TRIM37: variants seen among roughly 807,000 people sequenced by gnomAD.
The protein encoded by TRIM37 is E3 ubiquitin-protein ligase TRIM37.
A neutral mutation model predicts 129.8 loss-of-function variants in TRIM37; 80 were observed. The observed-to-expected ratio is 0.62, with a 90% CI of 0.51 to 0.74. The LOEUF (loss-of-function observed/expected upper bound fraction) is 0.74, where lower values mean the gene tolerates loss of function less well. Among genes scored for constraint, TRIM37 ranks in the 30% least tolerant of loss-of-function variants. The pLI, the probability that TRIM37 is intolerant of heterozygous loss-of-function variation, is 0.00. For synonymous variants in TRIM37, 389 were observed against 387.1 expected (o/e 1.00, Z -0.06); for missense variants, 1,054 against 1,176.5 (o/e 0.90, Z 1.52).
intron 1 of TRIM37, among the ~76,000 whole-genome samples, chr17:59,105,637 G>A (rs891743736): frequency 2.0e-5 from 3 of 152,128 alleles, no homozygotes; most frequent in Non-Finnish European, 4.4e-5. Flanking sequence ...AGGAATTAAG[G>A]AGAAAATTAC....
intron 8 of TRIM37, among the ~76,000 whole-genome samples, chr17:59,073,704 A>G (rs1258152897): frequency 6.6e-6 from 1 of 152,208 alleles, no homozygotes; most frequent in Non-Finnish European, 1.5e-5. Flanking sequence ...GGCTGAGGCA[A>G]TCCTTCCACC....
At position 58,998,845 on chromosome 17, in the gene TRIM37, G is replaced by A; in HGVS notation, c.*532C>T. On this transcript the variant is annotated 3_prime_UTR_variant, in exon 24 of 24. Transcript: ENST00000262294. ...ATACATACTCCAAAAAGGAGATTCA[G>A]TCTAGTGTTACTTCAGTTATTCACA... The A allele has an allele frequency of 1.0e-6, 1 of 992,960 alleles. No individual in the cohort carries two copies. Among genetic ancestry groups the A allele is most frequent in the Non-Finnish European group, 1.2e-6 (1 of 834,242 alleles). The allele number at this position is 992,960 out of a possible 1,614,324, so 61.5% of individuals were successfully genotyped here.
intron 19 of TRIM37, among the ~76,000 whole-genome samples, chr17:59,019,777 T>C (rs1020475521): frequency 1.3e-5 from 2 of 151,324 alleles, no homozygotes; most frequent in East Asian, 1.9e-4. Context: ...CAGAAGATAG[T>C]AGAAGGGGAA....
intron 23 of TRIM37, 91 bp downstream of exon 23, chr17:59,001,507 A>G (rs1211314512): frequency 6.4e-7 from 1 of 1,561,102 alleles, no homozygotes; most frequent in African/African-American, 1.4e-5. Flanking sequence ...GTAGAGCGGA[A>G]AAAGTAGAAG....
intron 6 of TRIM37, among the ~76,000 whole-genome samples, chr17:59,080,202 T>C (rs1165860787): frequency 1.3e-5 from 2 of 152,228 alleles, no homozygotes; most frequent in Non-Finnish European, 2.9e-5. Flanking sequence ...TTTATGACTG[T>C]CATTCTAACA....
chr17:59,104,920 C>T (rs776587834), intron 1 of TRIM37, among the ~76,000 whole-genome samples: 3 of 151,680 alleles, frequency 2.0e-5, no homozygotes, highest in Non-Finnish European at 4.4e-5. Context: ...GGTTAAACCC[C>T]GTCTCTACTA....
chr17:59,090,400 T>C (rs1345157825), intron 3 of TRIM37, among the ~76,000 whole-genome samples: 1 of 152,100 alleles, frequency 6.6e-6, no homozygotes, highest in East Asian at 1.9e-4. Flanking sequence ...CATATATATA[T>C]ATAAATATAG....
At position 59,057,920 on chromosome 17, in the gene TRIM37, A is replaced by C. The variant is rs1436698997; in HGVS notation, c.1020-866T>G. Among the ~76,000 whole-genome samples the C allele has an allele frequency of 3.3e-5, 5 of 152,328 alleles. No homozygotes were observed. In the East Asian group the frequency reaches 7.7e-4, roughly 23 times the overall value. On this transcript the variant is annotated intron_variant, in intron 12 of 23. Transcript: ENST00000262294. ...TTACCGATATATCAGGTATAAAACA[A>C]CACCTCAAAAAATAAATAAATTTTG...
At chr17:59,005,521 G>A (rs1598836359) in intron 22 of TRIM37, among the ~76,000 whole-genome samples, 1 of 152,102 alleles carries the variant, frequency 6.6e-6, no homozygotes, top group Admixed American at 6.6e-5. Flanking sequence ...CTGACCTTGT[G>A]ATCTACCCGC....
rs541636274 is a variant in TRIM37 at position 59,035,093 on chromosome 17, T to C, written c.1754-3003A>G. Among the ~76,000 whole-genome samples, 25 of 152,254 alleles carry C rather than the reference T, an allele frequency of 1.6e-4. No individual in the cohort carries two copies. The East Asian group carries it at 4.7e-3, about 28-fold the overall frequency. ...TTTTTTCTTTGAGACAAAGTCTTGC[T>C]TTGTCACCCAGGCTGGAGTACAGTG... On this transcript the variant is annotated intron_variant, in intron 17 of 23. Coordinates refer to ENST00000262294, the MANE Select transcript of TRIM37 (RefSeq NM_015294.6).
chr17:59,023,845 A>C (rs952146463), intron 19 of TRIM37, among the ~76,000 whole-genome samples: 45 of 152,176 alleles, frequency 3.0e-4, no homozygotes, highest in African/African-American at 1.0e-3. Flanking sequence ...AAAATGAATA[A>C]ACAAATTATG....
At chr17:58,995,404 TAAAA>T (rs1218900988), downstream of TRIM37, among the ~76,000 whole-genome samples, 2 of 120,774 alleles carry the variant, frequency 1.7e-5, no homozygotes, top group African/African-American at 6.1e-5. Flanking sequence ...AAGAAATGCT[TAAAA>T]AAAAAAAAAA....
At chr17:58,985,201 TAAAGG>T (rs1335208855) in intron 24 of TRIM37, 2 of 152,666 alleles carry the variant, frequency 1.3e-5, no homozygotes, top group Admixed American at 6.5e-5. Context: ...TCTTTTTATT[TAAAGG>T]AAAGGTAAGT....
At chr17:59,047,012 G>A (rs565698330) in intron 16 of TRIM37, among the ~76,000 whole-genome samples, 38 of 151,782 alleles carry the variant, frequency 2.5e-4, no homozygotes, top group African/African-American at 8.9e-4. Flanking sequence ...AAATTAGCTG[G>A]GCGAGGTGGC....
chr17:59,086,664 TAA>T (rs2043781382), intron 4 of TRIM37, among the ~76,000 whole-genome samples: 2 of 152,222 alleles, frequency 1.3e-5, no homozygotes, highest in African/African-American at 4.8e-5. Context: ...GGGAAATGAA[TAA>T]GAGTTAGAAT....
intron 10 of TRIM37, chr17:59,064,148 C>G (rs1319693322): frequency 1.2e-5 from 6 of 519,930 alleles, no homozygotes; most frequent in Non-Finnish European, 2.1e-5. Flanking sequence ...GAAAAGGTTC[C>G]TTTTCCCAGA....
At chr17:59,044,610 T>G (rs1052378986) in intron 16 of TRIM37, among the ~76,000 whole-genome samples, 1 of 152,144 alleles carries the variant, frequency 6.6e-6, no homozygotes, top group African/African-American at 2.4e-5. Flanking sequence ...GCGCAGACAT[T>G]TTCCCCTTGT....
intron 9 of TRIM37, among the ~76,000 whole-genome samples, chr17:59,066,320 C>T (rs1212379396): frequency 6.6e-6 from 1 of 152,178 alleles, no homozygotes; most frequent in African/African-American, 2.4e-5. Flanking sequence ...GAATATCCTC[C>T]ACAACATGCA....
intron 16 of TRIM37, among the ~76,000 whole-genome samples, chr17:59,043,626 G>A (rs1272975421): frequency 1.3e-5 from 2 of 152,160 alleles, no homozygotes; most frequent in African/African-American, 4.8e-5. Context: ...CGGCCAAGAG[G>A]TGGAGACTCC....
Sources: gnomAD v4.1 joint callset for allele counts (sites outside exome capture counted in the v4.1 genomes callset) on GRCh38, gnomAD v4.1.1 for gene constraint, MANE v1.5 for transcripts, NCBI Gene and HGNC (gene_info 2026-07-23, HGNC 2026-07-21) for gene names.